UNC13C: variants seen among roughly 807,000 people sequenced by gnomAD.
UNC13C encodes unc-13 homolog C, also known as protein unc-13 homolog C.
UNC13C carries 174 observed loss-of-function variants against 245.4 expected under a neutral mutation model. That is an observed-to-expected ratio of 0.71 (90% CI 0.63 to 0.80). The LOEUF is 0.80. Ranked by LOEUF, UNC13C falls within the 30% of genes least tolerant of loss-of-function variation. The pLI is 0.00. For missense variants in UNC13C, 2,829 were observed against 2,602.9 expected, an observed-to-expected ratio of 1.09 and a Z score of -1.89; for synonymous variants, 992 against 895.1, an observed-to-expected ratio of 1.11 and a Z score of -1.93.
intron 19 of UNC13C, among the ~76,000 whole-genome samples, chr15:54,479,637 A>T (rs1274862418): frequency 6.6e-6 from 1 of 151,380 alleles, no homozygotes; most frequent in Non-Finnish European, 1.5e-5. Context: ...TGTTTCATAT[A>T]TCCGTTTTTC....
At chr15:53,877,277 C>T in the UNC13C span, among the ~76,000 whole-genome samples, 19 of 152,160 alleles carry the variant, frequency 1.2e-4, no homozygotes, top group African/African-American at 4.1e-4. Context: ...TGAAGGACTC[C>T]TGTTCTCCTT....
At chr15:54,320,524 G>GT (rs1264631030) in intron 13 of UNC13C, among the ~76,000 whole-genome samples, 2 of 151,874 alleles carry the variant, frequency 1.3e-5, no homozygotes, top group African/African-American at 4.8e-5. Flanking sequence ...CTAAAATAAC[G>GT]TGTTATACAA....
chr15:54,050,675 C>A, intron 2 of UNC13C: 2 of 516,458 alleles, frequency 3.9e-6, no homozygotes, highest in South Asian at 1.6e-5. Flanking sequence ...TATACTCAAA[C>A]TCTTTGGAAA....
intron 7 of UNC13C, among the ~76,000 whole-genome samples, chr15:54,240,518 C>T (rs2035823170): frequency 6.6e-6 from 1 of 152,156 alleles, no homozygotes; most frequent in Admixed American, 6.5e-5. Flanking sequence ...CACTTTGAAG[C>T]TCAGTCATCT....
chr15:54,060,489 G>C lies in UNC13C; in HGVS notation c.2983+44603G>C, dbSNP rs558022067. Among the ~76,000 whole-genome samples the C allele has an allele frequency of 3.8e-3, 568 of 150,818 alleles. 5 individuals carry two copies. The highest frequency in any genetic ancestry group is 0.014 in the African/African-American group (555 of 40,950). Reference sequence around the variant, plus strand: ...AACAACAGGTGCTGGAGAGGATGTGGAGAAATAAGAACACTTTTGCACTGT... The same window carrying C: ...AACAACAGGTGCTGGAGAGGATGTGCAGAAATAAGAACACTTTTGCACTGT... On this transcript the variant is annotated intron_variant, in intron 2 of 32. Transcript: ENST00000260323.
chr15:54,574,689 G>T (rs527551032), intron 30 of UNC13C, among the ~76,000 whole-genome samples: 1 of 152,088 alleles, frequency 6.6e-6, no homozygotes, highest in Admixed American at 6.6e-5. Flanking sequence ...AATATTAATA[G>T]TTAATGCCTA....
intron 30 of UNC13C, among the ~76,000 whole-genome samples, chr15:54,578,833 C>T (rs1898074542): frequency 6.6e-6 from 1 of 152,152 alleles, no homozygotes. Flanking sequence ...GGTGAAACTC[C>T]GTCTCTACTA....
At chr15:54,086,184 A>G (rs937067017) in intron 2 of UNC13C, among the ~76,000 whole-genome samples, 3 of 152,158 alleles carry the variant, frequency 2.0e-5, no homozygotes, top group Non-Finnish European at 4.4e-5. Context: ...TCTAGCTGTA[A>G]CAGTGTGTCT....
At chr15:54,621,489 G>C (rs1342621944) in intron 30 of UNC13C, among the ~76,000 whole-genome samples, 1 of 152,036 alleles carries the variant, frequency 6.6e-6, no homozygotes, top group Non-Finnish European at 1.5e-5. Context: ...CGTTGATGTA[G>C]TGACAGCTTT....
chr15:54,498,272 T>C (rs914913609), intron 20 of UNC13C, among the ~76,000 whole-genome samples: 1 of 152,036 alleles, frequency 6.6e-6, no homozygotes, highest in African/African-American at 2.4e-5. Context: ...TTTACCAAAA[T>C]AGACTGCCTC....
the UNC13C span, among the ~76,000 whole-genome samples, chr15:53,938,033 A>G: frequency 1.5e-4 from 23 of 152,344 alleles, no homozygotes; most frequent in Middle Eastern, 3.4e-3. Flanking sequence ...ACATGTAACA[A>G]TATTAACCTT....
intron 1 of UNC13C, among the ~76,000 whole-genome samples, chr15:53,998,222 T>C (rs377313482): frequency 8.5e-5 from 13 of 152,336 alleles, no homozygotes; most frequent in African/African-American, 2.9e-4. Flanking sequence ...TGTTGTGGTC[T>C]ATTAAATCTA....
chr15:54,521,522 T>A (rs1370685473), intron 24 of UNC13C, among the ~76,000 whole-genome samples: 1 of 152,208 alleles, frequency 6.6e-6, no homozygotes, highest in Non-Finnish European at 1.5e-5. Context: ...TAGCAAGAGC[T>A]TGAGGGTCAG....
chr15:54,552,404 ATAATTATATAT>A (rs1896783427), intron 28 of UNC13C, among the ~76,000 whole-genome samples: 1 of 5,542 alleles, frequency 1.8e-4, no homozygotes, highest in African/African-American at 5.5e-4. Context: ...ATATAATTAT[ATAATTATATAT>A]TACAATATAT....
chr15:54,478,939 G>A (rs1892935571), intron 19 of UNC13C, among the ~76,000 whole-genome samples: 1 of 152,070 alleles, frequency 6.6e-6, no homozygotes, highest in African/African-American at 2.4e-5. Flanking sequence ...TTAATGTGTG[G>A]GAGTCTAAGT....
At chr15:54,479,289 A>G (rs971918000) in intron 19 of UNC13C, among the ~76,000 whole-genome samples, 3 of 152,056 alleles carry the variant, frequency 2.0e-5, no homozygotes, top group Non-Finnish European at 4.4e-5. Flanking sequence ...TTTATGATTG[A>G]TATATCATCT....
chr15:53,887,396 A>T, the UNC13C span, among the ~76,000 whole-genome samples: 4 of 152,178 alleles, frequency 2.6e-5, no homozygotes, highest in Admixed American at 1.3e-4. Flanking sequence ...TATTAGGGGT[A>T]AAATAAACAC....
At chr15:54,523,783 G>A (rs565534320) in intron 24 of UNC13C, among the ~76,000 whole-genome samples, 5 of 152,276 alleles carry the variant, frequency 3.3e-5, no homozygotes, top group South Asian at 2.1e-4. Flanking sequence ...CTTTCAGAGC[G>A]ATTCCCTTGG....
At chr15:54,334,642 T>A (rs2038526757) in intron 16 of UNC13C, among the ~76,000 whole-genome samples, 1 of 152,140 alleles carries the variant, frequency 6.6e-6, no homozygotes, top group Non-Finnish European at 1.5e-5. Flanking sequence ...CAAAGTTCAT[T>A]TAGATTCTTT....
Sources: allele counts gnomAD v4.1 joint callset (sites outside exome capture counted in the v4.1 genomes callset), GRCh38; gene constraint gnomAD v4.1.1; transcripts MANE v1.5; gene names NCBI Gene and HGNC (gene_info 2026-07-23, HGNC 2026-07-21).